HGF: variants seen among roughly 807,000 people sequenced by gnomAD.
HGF encodes hepatocyte growth factor, also known as fibroblast-derived tumor cytotoxic factor.
HGF carries 39 observed loss-of-function variants against 111.6 expected under a neutral mutation model. The ratio of observed to expected loss-of-function variants is 0.35; its 90% CI spans 0.27 to 0.46. The LOEUF is 0.46. Among genes scored for constraint, HGF ranks in the 20% least tolerant of loss-of-function variants. The pLI, the probability that HGF is intolerant of heterozygous loss-of-function variation, is 1.00. For synonymous variants in HGF, 285 were observed against 294.8 expected (o/e 0.97, Z 0.34); for missense variants, 735 against 910.5 (o/e 0.81, Z 2.48).
chr7:81,749,718 A>G (rs1788414531), intron 5 of HGF, among the ~76,000 whole-genome samples: 2 of 152,010 alleles, frequency 1.3e-5, no homozygotes, highest in South Asian at 4.1e-4. Context: ...ATAGACGAAT[A>G]TTTGTTTTCT....
intron 9 of HGF, 90 bp downstream of exon 9, chr7:81,725,800 G>T: frequency 7.1e-7 from 1 of 1,406,754 alleles, no homozygotes; most frequent in Non-Finnish European, 1.0e-6. Context: ...AGTGCAGCAA[G>T]AAGTAGATCT....
intron 2 of HGF, among the ~76,000 whole-genome samples, chr7:81,760,922 C>T (rs963177259): frequency 2.0e-5 from 3 of 152,106 alleles, no homozygotes; most frequent in Non-Finnish European, 4.4e-5. Context: ...CCAGTAAAAT[C>T]ATTTTAGTTC....
intron 5 of HGF, chr7:81,751,844 G>T: frequency 7.9e-7 from 1 of 1,266,370 alleles, no homozygotes; most frequent in Non-Finnish European, 1.0e-6. Context: ...CAAGACAGTA[G>T]GTAAGTAAAC....
intron 2 of HGF, among the ~76,000 whole-genome samples, chr7:81,762,000 C>A (rs1789108892): frequency 6.6e-6 from 1 of 152,136 alleles, no homozygotes; most frequent in African/African-American, 2.4e-5. Flanking sequence ...CACTGGCCTG[C>A]AGCTCACTCC....
chr7:81,739,835 G>A (rs946829354), intron 7 of HGF, among the ~76,000 whole-genome samples: 2 of 152,062 alleles, frequency 1.3e-5, no homozygotes, highest in African/African-American at 4.8e-5. Flanking sequence ...CACAAATGAG[G>A]TAAGATCCCT....
At chr7:81,713,456 G>A (rs1583925502) in intron 11 of HGF, among the ~76,000 whole-genome samples, 1 of 151,316 alleles carries the variant, frequency 6.6e-6, no homozygotes, top group African/African-American at 2.4e-5. Flanking sequence ...AACCTGGGAG[G>A]CAGAGTTTGC....
chr7:81,727,907 G>A (rs888235143), intron 8 of HGF, among the ~76,000 whole-genome samples: 1 of 152,096 alleles, frequency 6.6e-6, no homozygotes. Flanking sequence ...ATTTTTACTA[G>A]GTCCTTACTT....
At chr7:81,707,156 C>A in intron 14 of HGF, 134 bp downstream of exon 14, 1 of 652,610 alleles carries the variant, frequency 1.5e-6, no homozygotes, top group South Asian at 1.7e-5. Context: ...AAGCCAAATT[C>A]TAAAAATGAA....
intron 11 of HGF, among the ~76,000 whole-genome samples, chr7:81,713,463 T>G (rs868278547): frequency 1.3e-5 from 2 of 151,830 alleles, no homozygotes; most frequent in Non-Finnish European, 2.9e-5. Flanking sequence ...GAGGCAGAGT[T>G]TGCAGTGAGC....
intron 5 of HGF, 108 bp from the exon 6 acceptor site, chr7:81,745,228 A>T (rs1188587961): frequency 8.8e-7 from 1 of 1,131,274 alleles, no homozygotes; most frequent in Admixed American, 1.8e-5. Flanking sequence ...TTTTTAAAAA[A>T]TCCTACACAT....
At position 81,717,369 on chromosome 7, in the gene HGF, T is replaced by A. The variant is rs1800793; in HGVS notation, c.1272-4A>T. The A allele has an allele frequency of 3.8e-5, 61 of 1,612,474 alleles. No homozygotes were observed. In the South Asian group the frequency reaches 6.1e-4, roughly 16 times the overall value. On this transcript the variant is annotated splice_region_variant and splice_polypyrimidine_tract_variant and intron_variant, in intron 10 of 17. Coordinates refer to ENST00000222390, the MANE Select transcript of HGF (RefSeq NM_000601.6). ...ATCTGGTTCCCAGAAGATATGACTG[T>A]GGAAACAACAGGCCTTGCACATCAC...
chr7:81,733,589 A>G (rs955821700), intron 7 of HGF, among the ~76,000 whole-genome samples: 1 of 152,100 alleles, frequency 6.6e-6, no homozygotes, highest in African/African-American at 2.4e-5. Flanking sequence ...TCCCTTTGAC[A>G]TTCAACTGCT....
chr7:81,701,064 C>A lies in HGF; in HGVS notation c.*1517G>T, dbSNP rs4732402. On this transcript the variant is annotated 3_prime_UTR_variant, in exon 18 of 18. Transcript: ENST00000222390. ...ATTTCTGCAAAAATTCAAAGCCTAT[C>A]CTATTACTTTTTGTTATTCTATTTC... The A allele has an allele frequency of 1.3e-5, 2 of 151,310 alleles. No homozygotes were observed. The highest frequency in any genetic ancestry group is 3.0e-5 in the Non-Finnish European group (2 of 67,582). 9.4% of individuals were successfully genotyped at this position (151,310 alleles called of 1,614,324 possible).
At chr7:81,704,210 T>C (rs1454733975) in intron 17 of HGF, among the ~76,000 whole-genome samples, 1 of 151,746 alleles carries the variant, frequency 6.6e-6, no homozygotes, top group Non-Finnish European at 1.5e-5. Flanking sequence ...TATACAGATA[T>C]GAATAATTCA....
chr7:81,729,873 A>T, intron 7 of HGF, 94 bp from the exon 8 acceptor site: 1 of 1,140,426 alleles, frequency 8.8e-7, no homozygotes, highest in Non-Finnish European at 1.2e-6. Context: ...GTATTAGCAG[A>T]TTTTTTTTTC....
At chr7:81,725,748 C>T in intron 9 of HGF, 142 bp downstream of exon 9, 2 of 935,574 alleles carry the variant, frequency 2.1e-6, no homozygotes, top group East Asian at 2.4e-5. Context: ...AAGAAAAATC[C>T]AGCTTCAAAC....
At chr7:81,717,843 T>G (rs544087542) in intron 10 of HGF, among the ~76,000 whole-genome samples, 1 of 152,300 alleles carries the variant, frequency 6.6e-6, no homozygotes, top group East Asian at 1.9e-4. Context: ...ATGAATAATG[T>G]GTTAATTAAA....
intron 4 of HGF, among the ~76,000 whole-genome samples, chr7:81,753,374 C>T (rs984534): frequency 0.83 from 125,877 of 151,994 alleles, 52,721 homozygotes; most frequent in African/African-American, 0.95. Context: ...TAATATTCAG[C>T]TTGTGTTTTG....
chr7:81,742,889 C>T (rs759348079), intron 7 of HGF: 24 of 1,611,416 alleles, frequency 1.5e-5, no homozygotes, highest in African/African-American at 2.7e-5. Flanking sequence ...TTATTCTTCA[C>T]TGCAGCCTCT....
Sources: allele counts gnomAD v4.1 joint callset (sites outside exome capture counted in the v4.1 genomes callset), GRCh38; gene constraint gnomAD v4.1.1; transcripts MANE v1.5; gene names NCBI Gene and HGNC (gene_info 2026-07-23, HGNC 2026-07-21).